The following GPC5 variants were observed in gnomAD, a reference collection of about 807,000 sequenced individuals.
GPC5 encodes the protein glypican-5.
GPC5 carries 47 observed loss-of-function variants against 53.9 expected under a neutral mutation model. That is an observed-to-expected ratio of 0.87 (90% confidence interval 0.69 to 1.11). The LOEUF (loss-of-function observed/expected upper bound fraction) is 1.11. GPC5 is among the 50% of genes most tolerant of loss of function. The pLI, the probability that GPC5 is intolerant of heterozygous loss-of-function variation, is 0.00. For missense variants in GPC5, 748 were observed against 713.1 expected (o/e 1.05, Z -0.56); for synonymous variants, 286 against 263.3 (o/e 1.09, Z -0.84).
chr13:91,528,936 T>A (rs1886211499), intron 2 of GPC5, among the ~76,000 whole-genome samples: 1 of 152,192 alleles, frequency 6.6e-6, no homozygotes, highest in African/African-American at 2.4e-5. Context: ...ACCACCCCCA[T>A]GATCCAGTCA....
intron 5 of GPC5, among the ~76,000 whole-genome samples, chr13:91,889,460 A>AT (rs35681981): frequency 0.28 from 41,449 of 149,726 alleles, 7,591 homozygotes; most frequent in African/African-American, 0.53. Context: ...TGTTTTACTG[A>AT]TTTTTTTTTT....
At chr13:92,815,180 G>A (rs1877426344) in intron 7 of GPC5, among the ~76,000 whole-genome samples, 1 of 151,954 alleles carries the variant, frequency 6.6e-6, no homozygotes, top group Admixed American at 6.6e-5. Flanking sequence ...ACAATGCCAG[G>A]TAGCAGTAAC....
At chr13:92,297,685 C>G (rs1386901328) in intron 7 of GPC5, among the ~76,000 whole-genome samples, 1 of 152,090 alleles carries the variant, frequency 6.6e-6, no homozygotes, top group African/African-American at 2.4e-5. Flanking sequence ...CAATCAGCGC[C>G]CTGACAAAAC....
rs887988591 is a variant in GPC5 at position 91,624,949 on chromosome 13, T to TA, written c.326-68230dup. Reference sequence around the variant, plus strand: ...CCCAAGAAAGGAATTTTTTCTTTTTTAAAAAAAATTAGAAGAAAATCAACA... The same window carrying TA: ...CCCAAGAAAGGAATTTTTTCTTTTTTAAAAAAAAATTAGAAGAAAATCAACA... On this transcript the variant is annotated intron_variant, in intron 2 of 7. Transcript: ENST00000377067. Among the ~76,000 whole-genome samples, 84 of 151,696 alleles carry TA rather than the reference T, an allele frequency of 5.5e-4. 2 individuals carry two copies. In the South Asian group the frequency reaches 0.01, roughly 18 times the overall value.
At chr13:92,419,786 AGG>A (rs1876479866) in intron 7 of GPC5, among the ~76,000 whole-genome samples, 1 of 152,178 alleles carries the variant, frequency 6.6e-6, no homozygotes, top group Non-Finnish European at 1.5e-5. Flanking sequence ...AGAAAAACTG[AGG>A]GATCCCACTC....
intron 6 of GPC5, among the ~76,000 whole-genome samples, chr13:92,139,331 C>A (rs1467892291): frequency 2.0e-5 from 3 of 152,022 alleles, no homozygotes; most frequent in Non-Finnish European, 2.9e-5. Context: ...TCTTAAGAAC[C>A]AAGGCTATGC....
intron 7 of GPC5, among the ~76,000 whole-genome samples, chr13:92,766,116 G>T (rs898815557): frequency 1.2e-4 from 19 of 152,104 alleles, no homozygotes; most frequent in African/African-American, 4.3e-4. Context: ...GTCATAGTTT[G>T]CAATCCACTA....
chr13:92,358,440 C>T (rs1019477876), intron 7 of GPC5, among the ~76,000 whole-genome samples: 4 of 151,696 alleles, frequency 2.6e-5, no homozygotes, highest in Admixed American at 6.5e-5. Flanking sequence ...AGGACAGTGG[C>T]CCTCTTCTCA....
intron 7 of GPC5, among the ~76,000 whole-genome samples, chr13:92,460,051 G>A (rs940911335): frequency 6.6e-6 from 1 of 151,562 alleles, no homozygotes; most frequent in South Asian, 2.1e-4. Flanking sequence ...GAGAAGTATT[G>A]TTATGTAATT....
At chr13:92,129,294 C>A (rs2041724829) in intron 6 of GPC5, among the ~76,000 whole-genome samples, 1 of 152,182 alleles carries the variant, frequency 6.6e-6, no homozygotes, top group Admixed American at 6.5e-5. Context: ...ATGGCAGAGT[C>A]TTACTGAAAC....
chr13:91,935,344 G>A (rs901750084), intron 6 of GPC5, among the ~76,000 whole-genome samples: 2 of 151,962 alleles, frequency 1.3e-5, no homozygotes, highest in Non-Finnish European at 1.5e-5. Context: ...ACATTTGGGA[G>A]ATGATTAAGC....
At chr13:91,974,629 C>T (rs551541021) in intron 6 of GPC5, among the ~76,000 whole-genome samples, 1 of 152,274 alleles carries the variant, frequency 6.6e-6, no homozygotes, top group African/African-American at 2.4e-5. Context: ...AGGATACAAA[C>T]AAATGGAAGA....
At chr13:92,169,110 C>G (rs1260423710) in intron 7 of GPC5, among the ~76,000 whole-genome samples, 2 of 152,082 alleles carry the variant, frequency 1.3e-5, no homozygotes, top group South Asian at 4.2e-4. Flanking sequence ...GTTCTCGCTT[C>G]TAAGTGGGAG....
At chr13:92,528,287 A>C (rs916358246) in intron 7 of GPC5, among the ~76,000 whole-genome samples, 4 of 152,124 alleles carry the variant, frequency 2.6e-5, no homozygotes, top group African/African-American at 9.7e-5. Context: ...CTGCATTTTT[A>C]TAAACTTTAA....
intron 7 of GPC5, among the ~76,000 whole-genome samples, chr13:92,729,763 C>T (rs895408566): frequency 1.3e-5 from 2 of 151,256 alleles, no homozygotes; most frequent in Non-Finnish European, 3.0e-5. Context: ...GGATTGAAAT[C>T]CAGAGTCTGA....
At chr13:92,385,399 C>T (rs181919081) in intron 7 of GPC5, among the ~76,000 whole-genome samples, 976 of 57,316 alleles carry the variant, frequency 0.017, 66 homozygotes, top group African/African-American at 0.033. Context: ...TACATATATA[C>T]ACATATATAC....
At chr13:91,449,527 C>T (rs999845187) in intron 2 of GPC5, among the ~76,000 whole-genome samples, 6 of 152,176 alleles carry the variant, frequency 3.9e-5, no homozygotes, top group Admixed American at 1.3e-4. Flanking sequence ...GTCCCGACCC[C>T]GCAACAGGCC....
chr13:91,872,853 T>G (rs991225915), intron 5 of GPC5, among the ~76,000 whole-genome samples: 2 of 152,170 alleles, frequency 1.3e-5, no homozygotes, highest in African/African-American at 4.8e-5. Context: ...GGTACTGCAG[T>G]GGTGTTTTAA....
intron 7 of GPC5, among the ~76,000 whole-genome samples, chr13:92,670,908 G>A (rs988846261): frequency 6.6e-6 from 1 of 152,112 alleles, no homozygotes; most frequent in African/African-American, 2.4e-5. Context: ...GTGGCAAAAA[G>A]GCTGCTCCTT....
Sources: allele counts gnomAD v4.1 joint callset (sites outside exome capture counted in the v4.1 genomes callset), GRCh38; gene constraint gnomAD v4.1.1; transcripts MANE v1.5; gene names NCBI Gene and HGNC (gene_info 2026-07-23, HGNC 2026-07-21).